UNC13C: variants seen among roughly 807,000 people sequenced by gnomAD.
UNC13C encodes protein unc-13 homolog C.
A neutral mutation model predicts 245.4 loss-of-function variants in UNC13C; 174 were observed. The observed-to-expected ratio is 0.71, with a 90% CI of 0.63 to 0.80. UNC13C has a LOEUF of 0.80. Among genes scored for constraint, UNC13C ranks in the 30% least tolerant of loss-of-function variants. The probability of loss-of-function intolerance (pLI) is 0.00; values close to 1 mark genes in which losing one functional copy is unlikely to be tolerated. For missense variants in UNC13C, 2,829 were observed against 2,602.9 expected, an observed-to-expected ratio of 1.09 and a Z score of -1.89; for synonymous variants, 992 against 895.1, an observed-to-expected ratio of 1.11 and a Z score of -1.93.
chr15:54,480,950 G>A (rs1044372612), intron 19 of UNC13C, among the ~76,000 whole-genome samples: 1 of 152,164 alleles, frequency 6.6e-6, no homozygotes, highest in African/African-American at 2.4e-5. Context: ...CAGGGCTTCA[G>A]GGATCTATAG....
the UNC13C span, among the ~76,000 whole-genome samples, chr15:53,924,227 C>CA: frequency 1.6e-3 from 229 of 145,216 alleles, 2 homozygotes; most frequent in Non-Finnish European, 1.5e-3. Context: ...AACAAACAAA[C>CA]AAAAAACAAA....
At chr15:54,182,058 T>G (rs2033819535) in intron 4 of UNC13C, among the ~76,000 whole-genome samples, 1 of 152,076 alleles carries the variant, frequency 6.6e-6, no homozygotes, top group Non-Finnish European at 1.5e-5. Flanking sequence ...TGACCAGGAC[T>G]TCTAGTACTA....
At chr15:54,126,819 G>C (rs1195302394) in intron 2 of UNC13C, among the ~76,000 whole-genome samples, 3 of 152,108 alleles carry the variant, frequency 2.0e-5, no homozygotes, top group Admixed American at 1.3e-4. Flanking sequence ...ATCTGACAAA[G>C]GGCTAATACA....
chr15:54,491,621 C>G (rs1197493608), intron 19 of UNC13C, among the ~76,000 whole-genome samples: 1 of 152,064 alleles, frequency 6.6e-6, no homozygotes, highest in African/African-American at 2.4e-5. Context: ...AAATATTTTG[C>G]ATTTGGCTTA....
At chr15:54,327,145 G>A (rs1390961559) in intron 14 of UNC13C, among the ~76,000 whole-genome samples, 2 of 151,864 alleles carry the variant, frequency 1.3e-5, no homozygotes, top group Non-Finnish European at 2.9e-5. Flanking sequence ...TAATTTTGAA[G>A]GTGTCTTTAG....
At chr15:54,534,444 A>C (rs1895900141) in intron 26 of UNC13C, among the ~76,000 whole-genome samples, 1 of 152,210 alleles carries the variant, frequency 6.6e-6, no homozygotes, top group East Asian at 1.9e-4. Context: ...TTCGAACAAC[A>C]GCAACTTAAA....
rs150492505 is a variant in UNC13C, at chr15:54,571,441, G to C, written c.6106+3494G>C. Among the ~76,000 whole-genome samples the C allele has an allele frequency of 3.6e-3, 542 of 152,300 alleles. 6 individuals are homozygous for C. Among genetic ancestry groups the C allele is most frequent in the African/African-American group, 0.012 (509 of 41,576 alleles). ...TCTCACCAGGTCCATCCCATGACGT[G>C]TGGGAATTATGGGAGCTACAATTCC... On this transcript the variant is annotated intron_variant, in intron 30 of 32. Coordinates refer to ENST00000260323, the MANE Select transcript of UNC13C (RefSeq NM_001080534.3).
chr15:53,851,732 G>A, the UNC13C span, among the ~76,000 whole-genome samples: 31 of 152,064 alleles, frequency 2.0e-4, no homozygotes, highest in Non-Finnish European at 3.7e-4. Flanking sequence ...TTGTCCAATC[G>A]CATTGTGACG....
intron 2 of UNC13C, among the ~76,000 whole-genome samples, chr15:54,028,684 C>CTTTTTTCTTTT (rs1896224090): frequency 1.1e-5 from 1 of 87,082 alleles, no homozygotes; most frequent in Non-Finnish European, 2.0e-5. Context: ...GCCTACAAGT[C>CTTTTTTCTTTT]TTTTTTTTTT....
chr15:54,624,003 A>T (rs763353932), intron 32 of UNC13C, 49 bp downstream of exon 32: 11 of 1,605,274 alleles, frequency 6.9e-6, no homozygotes, highest in African/African-American at 1.3e-5. Context: ...TAGTTACTGT[A>T]CAGCTGACCT....
chr15:54,218,751 T>G (rs1208903886), intron 4 of UNC13C, among the ~76,000 whole-genome samples: 2 of 151,862 alleles, frequency 1.3e-5, no homozygotes, highest in Admixed American at 6.6e-5. Context: ...AGCTGGGCCA[T>G]TAGGTCAGAA....
At chr15:54,521,242 T>C (rs1302973659) in intron 24 of UNC13C, among the ~76,000 whole-genome samples, 2 of 152,138 alleles carry the variant, frequency 1.3e-5, no homozygotes, top group African/African-American at 4.8e-5. Flanking sequence ...CCTGGTGAGA[T>C]GGCCAGGAAG....
At chr15:54,397,646 T>A (rs1244472728) in intron 18 of UNC13C, among the ~76,000 whole-genome samples, 1 of 151,452 alleles carries the variant, frequency 6.6e-6, no homozygotes, top group Non-Finnish European at 1.5e-5. Context: ...TTGAATTTTA[T>A]AATCCATTAA....
chr15:54,184,885 T>C (rs28874322), intron 4 of UNC13C, among the ~76,000 whole-genome samples: 22,105 of 151,866 alleles, frequency 0.15, 3,067 homozygotes, highest in African/African-American at 0.36. Flanking sequence ...GTCCCACCAA[T>C]GGTGTAAAAG....
chr15:54,145,011 T>G (rs935283461), intron 4 of UNC13C, among the ~76,000 whole-genome samples: 1 of 151,912 alleles, frequency 6.6e-6, no homozygotes, highest in Non-Finnish European at 1.5e-5. Context: ...AGGCTGGTCT[T>G]GATCTCCTGA....
At chr15:54,375,118 G>A (rs1401142519) in intron 17 of UNC13C, among the ~76,000 whole-genome samples, 2 of 152,146 alleles carry the variant, frequency 1.3e-5, no homozygotes, top group African/African-American at 4.8e-5. Flanking sequence ...ATATATACCT[G>A]TAAGTAGAAT....
chr15:54,555,390 T>A (rs1249845850), intron 28 of UNC13C, 42 bp from the exon 29 acceptor site: 4 of 1,546,934 alleles, frequency 2.6e-6, no homozygotes, highest in Non-Finnish European at 3.6e-6. Context: ...GTTGAATACA[T>A]GAACTGGTTG....
intron 18 of UNC13C, among the ~76,000 whole-genome samples, chr15:54,402,739 T>C (rs1232120376): frequency 1.3e-5 from 2 of 152,140 alleles, no homozygotes; most frequent in East Asian, 1.9e-4. Flanking sequence ...AAATGACTTA[T>C]CTAGTAATAG....
At chr15:54,351,683 C>G (rs1449785897) in intron 17 of UNC13C, among the ~76,000 whole-genome samples, 3 of 152,132 alleles carry the variant, frequency 2.0e-5, no homozygotes, top group Non-Finnish European at 4.4e-5. Flanking sequence ...TTTTATCTCT[C>G]TTGCTCACCA....
Sources: gnomAD v4.1 joint callset for allele counts (sites outside exome capture counted in the v4.1 genomes callset) on GRCh38, gnomAD v4.1.1 for gene constraint, MANE v1.5 for transcripts, NCBI Gene and HGNC (gene_info 2026-07-23, HGNC 2026-07-21) for gene names.